The following ZNF521 variants were observed in gnomAD, a reference collection of about 807,000 sequenced individuals.
ZNF521 encodes LYST-interacting protein 3.
Under a neutral mutation model 105.5 loss-of-function variants are expected in ZNF521, and 14 were observed. The observed-to-expected ratio is 0.13, with a 90% CI of 0.09 to 0.21. ZNF521 has a LOEUF of 0.21. ZNF521 is among the 10% of genes least tolerant of loss of function. The probability of loss-of-function intolerance (pLI) is 1.00; values close to 1 mark genes in which losing one functional copy is unlikely to be tolerated. For synonymous variants in ZNF521, 635 were observed against 606.0 expected (o/e 1.05, Z -0.70); for missense variants, 1,233 against 1,629.7 (o/e 0.76, Z 4.19).
intron 3 of ZNF521, among the ~76,000 whole-genome samples, chr18:25,319,016 C>T (rs554139823): frequency 6.6e-6 from 1 of 151,146 alleles, no homozygotes; most frequent in South Asian, 2.1e-4. Flanking sequence ...CAAGAAAAGA[C>T]CATGATGATT....
At chr18:25,344,206 A>AAAAAG (rs1914359713) in intron 2 of ZNF521, among the ~76,000 whole-genome samples, 1 of 122,074 alleles carries the variant, frequency 8.2e-6, no homozygotes, top group Admixed American at 9.2e-5. Flanking sequence ...TTTTTTATTA[A>AAAAAG]AAAAAAAAAA....
intron 3 of ZNF521, among the ~76,000 whole-genome samples, chr18:25,250,106 T>TA (rs1908010618): frequency 6.6e-6 from 1 of 151,936 alleles, no homozygotes; most frequent in Non-Finnish European, 1.5e-5. Flanking sequence ...TCCCGGCTAA[T>TA]TTTTTTGTAT....
intron 2 of ZNF521, among the ~76,000 whole-genome samples, chr18:25,337,878 C>G (rs1203695371): frequency 6.6e-6 from 1 of 152,056 alleles, no homozygotes. Context: ...ATGGACTAGA[C>G]AACAGCCCAT....
intron 3 of ZNF521, among the ~76,000 whole-genome samples, chr18:25,263,241 C>A (rs918531265): frequency 6.6e-6 from 1 of 151,988 alleles, no homozygotes; most frequent in African/African-American, 2.4e-5. Flanking sequence ...CAGTGCCTGG[C>A]ACGTGGGAGA....
intron 5 of ZNF521, among the ~76,000 whole-genome samples, chr18:25,100,626 A>G (rs1023289205): frequency 6.6e-6 from 1 of 152,000 alleles, no homozygotes; most frequent in African/African-American, 2.4e-5. Flanking sequence ...TTTGCAAATG[A>G]GTCACATTTT....
intron 2 of ZNF521, among the ~76,000 whole-genome samples, chr18:25,330,482 C>T (rs1913507440): frequency 6.6e-6 from 1 of 152,082 alleles, no homozygotes; most frequent in Non-Finnish European, 1.5e-5. Context: ...ACTTTTTAAC[C>T]TAGTACCAGA....
At position 25,114,061 on chromosome 18, in the gene ZNF521, G is replaced by C. The variant is rs111955789; in HGVS notation, c.3659-21980C>G. Among the ~76,000 whole-genome samples, 789 of 152,208 alleles carry C rather than the reference G, an allele frequency of 5.2e-3. 8 individuals carry two copies. Among genetic ancestry groups the C allele is most frequent in the African/African-American group, 0.018 (752 of 41,524 alleles). ...ACTGTTATTCACAGACCACAGGGAAGCCCTAAATTTAATTGTTCATGCCTA... is the reference window on the plus strand; with the variant it reads ...ACTGTTATTCACAGACCACAGGGAACCCCTAAATTTAATTGTTCATGCCTA... On this transcript the variant is annotated intron_variant, in intron 5 of 7. Coordinates refer to ENST00000361524, the MANE Select transcript of ZNF521 (RefSeq NM_015461.3).
intron 5 of ZNF521, among the ~76,000 whole-genome samples, chr18:25,176,213 A>G (rs2035532185): frequency 1.3e-5 from 2 of 152,050 alleles, no homozygotes; most frequent in African/African-American, 2.4e-5. Context: ...GCCACAATAA[A>G]CCCCATAATG....
At chr18:25,223,181 C>T (rs1451917647) in intron 4 of ZNF521, among the ~76,000 whole-genome samples, 1 of 152,226 alleles carries the variant, frequency 6.6e-6, no homozygotes, top group African/African-American at 2.4e-5. Context: ...CTATGTTCTT[C>T]CAGCTGTCCT....
At chr18:25,063,634 G>A (rs2032971163) in intron 7 of ZNF521, among the ~76,000 whole-genome samples, 1 of 152,188 alleles carries the variant, frequency 6.6e-6, no homozygotes, top group South Asian at 2.1e-4. Context: ...TATTCAGGGA[G>A]CAGGCAGTTT....
intron 5 of ZNF521, among the ~76,000 whole-genome samples, chr18:25,170,277 T>G (rs2035424089): frequency 6.6e-6 from 1 of 152,062 alleles, no homozygotes; most frequent in Non-Finnish European, 1.5e-5. Context: ...ATGATCAGAT[T>G]GAATATGACT....
At chr18:25,223,910 G>A in intron 4 of ZNF521, 2 of 229,332 alleles carry the variant, frequency 8.7e-6, no homozygotes, top group South Asian at 3.5e-4. Context: ...TACCCAATTT[G>A]TTATCCCCAA....
In ZNF521 at chr18:25,130,668, C is replaced by A. The variant is rs2034623709; in HGVS notation, c.3659-38587G>T. 2.0e-5 allele frequency among the ~76,000 whole-genome samples: 3 copies of A among 152,156 alleles called. No individual in the cohort carries two copies. In the South Asian group the frequency reaches 6.2e-4, roughly 32 times the overall value. The stretch of plus-strand genomic sequence containing the variant: ...TCATTAGAAATAAATCCAGCCCAGG[C>A]ACTATGGCTCACACTTGTTATCCCA... On this transcript the variant is annotated intron_variant, in intron 5 of 7. Coordinates refer to ENST00000361524, the MANE Select transcript of ZNF521 (RefSeq NM_015461.3).
chr18:25,215,396 G>A (rs927444188), intron 4 of ZNF521, among the ~76,000 whole-genome samples: 4 of 152,112 alleles, frequency 2.6e-5, no homozygotes, highest in Non-Finnish European at 4.4e-5. Context: ...GAGCAACACC[G>A]TAATAAGAGA....
At chr18:25,165,801 A>G (rs1023339000) in intron 5 of ZNF521, among the ~76,000 whole-genome samples, 3 of 152,238 alleles carry the variant, frequency 2.0e-5, no homozygotes, top group Non-Finnish European at 4.4e-5. Context: ...GTTAATGAGC[A>G]AATGTATCAT....
chr18:25,234,559 T>C (rs1186670240), intron 3 of ZNF521, among the ~76,000 whole-genome samples: 1 of 152,168 alleles, frequency 6.6e-6, no homozygotes, highest in Admixed American at 6.5e-5. Context: ...GTCTATAATA[T>C]CAGAAAAATT....
At chr18:25,181,483 C>T (rs919188769) in intron 5 of ZNF521, among the ~76,000 whole-genome samples, 2 of 152,110 alleles carry the variant, frequency 1.3e-5, no homozygotes, top group Non-Finnish European at 2.9e-5. Context: ...AGGCGCACAG[C>T]TCCCTTTCAA....
intron 3 of ZNF521, among the ~76,000 whole-genome samples, chr18:25,295,543 T>C (rs8093587): frequency 0.4 from 60,292 of 151,532 alleles, 12,227 homozygotes; most frequent in South Asian, 0.54. Context: ...GTGATTATTA[T>C]GCATTGCATG....
intron 5 of ZNF521, among the ~76,000 whole-genome samples, chr18:25,124,841 T>C (rs994088528): frequency 6.6e-6 from 1 of 152,134 alleles, no homozygotes; most frequent in African/African-American, 2.4e-5. Flanking sequence ...TTTTAAACCA[T>C]AGGTGTTAGA....
Sources: gnomAD v4.1 joint callset for allele counts (sites outside exome capture counted in the v4.1 genomes callset) on GRCh38, gnomAD v4.1.1 for gene constraint, MANE v1.5 for transcripts, NCBI Gene and HGNC (gene_info 2026-07-23, HGNC 2026-07-21) for gene names.